The following ASPRV1 variants were observed in gnomAD, a reference collection of about 807,000 sequenced individuals.
The protein encoded by ASPRV1 is aspartic peptidase retroviral like 1.
In ASPRV1, 7 loss-of-function variants were observed where a neutral mutation model predicts 11.0. That is an observed-to-expected ratio of 0.64 (90% CI 0.36 to 1.20). The LOEUF (loss-of-function observed/expected upper bound fraction) is 1.20. Ranked by LOEUF, ASPRV1 falls within the 50% of genes most tolerant of loss-of-function variation. The probability of loss-of-function intolerance (pLI) is 0.02; values close to 1 mark genes in which losing one functional copy is unlikely to be tolerated. For missense variants in ASPRV1, 299 were observed against 320.0 expected, an observed-to-expected ratio of 0.93 and a Z score of 0.50; for synonymous variants, 136 against 138.4, an observed-to-expected ratio of 0.98 and a Z score of 0.12.
In ASPRV1 at chr2:69,960,858, C is replaced by T. The variant is rs139581474; in HGVS notation, c.579G>A (p.Ala193=). Residue 193 remains alanine (A), a synonymous_variant, in exon 1 of 1, where the codon GCG becomes GCA. Coordinates refer to ENST00000320256, the MANE Select transcript of ASPRV1 (RefSeq NM_152792.4). ...KLKAQFLVAN[A]SAEEAIIGTD... ...TGCCAATGATGGCTTCCTCGGCACTCGCATTGGCCACTAGGAACTGTGCCT... is the reference window on the plus strand; with the variant it reads ...TGCCAATGATGGCTTCCTCGGCACTTGCATTGGCCACTAGGAACTGTGCCT... 2.4e-5 allele frequency: 38 copies of T among 1,614,044 alleles called. No individual in the cohort carries two copies. In the Admixed American group the frequency reaches 2.7e-4, roughly 11 times the overall value.
the ASPRV1 span, among the ~76,000 whole-genome samples, chr2:70,028,048 G>T: frequency 9.9e-5 from 15 of 152,174 alleles, no homozygotes; most frequent in African/African-American, 3.4e-4. Context: ...AGGTCCCTAA[G>T]AAAGGTCCTC....
chr2:69,959,441 G>GA (rs1343862025), downstream of ASPRV1, among the ~76,000 whole-genome samples: 1 of 152,038 alleles, frequency 6.6e-6, no homozygotes, highest in African/African-American at 2.4e-5. Flanking sequence ...CTGCACTCCA[G>GA]AAAAAGAAAC....
At chr2:70,058,390 G>A in the ASPRV1 span, among the ~76,000 whole-genome samples, 46 of 147,898 alleles carry the variant, frequency 3.1e-4, no homozygotes, top group Non-Finnish European at 6.1e-4. Context: ...CTACAGGCAC[G>A]CGCCACTGCA....
chr2:70,025,198 ATGTG>A, the ASPRV1 span, among the ~76,000 whole-genome samples: 2 of 152,196 alleles, frequency 1.3e-5, no homozygotes, highest in East Asian at 1.9e-4. Context: ...ATGCATGTGA[ATGTG>A]TGTGTGTTGG....
the ASPRV1 span, chr2:70,046,042 G>A: frequency 6.6e-6 from 1 of 152,206 alleles, no homozygotes; most frequent in Non-Finnish European, 1.5e-5. Context: ...TGCAGAAGAT[G>A]AGAAACCAAT....
the ASPRV1 span, among the ~76,000 whole-genome samples, chr2:70,079,621 GA>G: frequency 2.0e-5 from 3 of 152,146 alleles, 1 homozygote; most frequent in South Asian, 6.2e-4. Context: ...AGTGAGGCAG[GA>G]ACAGCATCAA....
At chr2:70,064,525 T>C in the ASPRV1 span, among the ~76,000 whole-genome samples, 1 of 152,136 alleles carries the variant, frequency 6.6e-6, no homozygotes, top group Non-Finnish European at 1.5e-5. Flanking sequence ...AGATGATGAA[T>C]AGGAGATATC....
chr2:70,067,486 T>C, the ASPRV1 span, among the ~76,000 whole-genome samples: 2 of 152,232 alleles, frequency 1.3e-5, no homozygotes, highest in South Asian at 4.1e-4. Flanking sequence ...AATACCTTAA[T>C]GTCTTCATAG....
At chr2:70,042,665 C>G in the ASPRV1 span, among the ~76,000 whole-genome samples, 2 of 152,178 alleles carry the variant, frequency 1.3e-5, no homozygotes, top group Non-Finnish European at 2.9e-5. Flanking sequence ...TAGTGATCAG[C>G]AGATCCTGCT....
the ASPRV1 span, among the ~76,000 whole-genome samples, chr2:70,035,894 C>A: frequency 2.6e-5 from 4 of 151,608 alleles, no homozygotes; most frequent in African/African-American, 9.7e-5. Context: ...TTAACTAACT[C>A]AAGCCCTTCT....
the ASPRV1 span, among the ~76,000 whole-genome samples, chr2:70,067,303 T>C: frequency 1.3e-5 from 2 of 152,144 alleles, no homozygotes; most frequent in Admixed American, 1.3e-4. Context: ...TGTATATGAT[T>C]GGGCACTGGA....
At chr2:70,085,894 G>A in the ASPRV1 span, 3 of 152,246 alleles carry the variant, frequency 2.0e-5, no homozygotes, top group Non-Finnish European at 4.4e-5. Context: ...AACAGCCCAT[G>A]CTAGGAAGTC....
At chr2:69,974,900 C>T in the ASPRV1 span, among the ~76,000 whole-genome samples, 2 of 152,176 alleles carry the variant, frequency 1.3e-5, no homozygotes, top group African/African-American at 4.8e-5. Flanking sequence ...TCCTGGAGGT[C>T]GGGGTATGGG....
At chr2:70,077,951 G>A in the ASPRV1 span, among the ~76,000 whole-genome samples, 1 of 152,144 alleles carries the variant, frequency 6.6e-6, no homozygotes, top group South Asian at 2.1e-4. Flanking sequence ...GGTGGATCAT[G>A]AGGTCAGGAG....
chr2:70,011,769 A>C, the ASPRV1 span: 1 of 152,428 alleles, frequency 6.6e-6, no homozygotes, highest in East Asian at 1.9e-4. Flanking sequence ...GTGATGGTTA[A>C]AGACCAGGGA....
At chr2:70,003,165 CACAAGGTTCTTGAAGGA>C in the ASPRV1 span, 1 of 152,326 alleles carries the variant, frequency 6.6e-6, no homozygotes, top group East Asian at 1.9e-4. Flanking sequence ...GTCTGGTGCT[CACAAGGTTCTTGAAGGA>C]GTGGACGGAG....
chr2:69,999,622 C>T, the ASPRV1 span, among the ~76,000 whole-genome samples: 15 of 141,894 alleles, frequency 1.1e-4, no homozygotes, highest in Admixed American at 8.2e-4. Flanking sequence ...TGCCACTGCA[C>T]TCCAGCCTGA....
the ASPRV1 span, among the ~76,000 whole-genome samples, chr2:69,972,919 C>T: frequency 6.6e-6 from 1 of 152,060 alleles, no homozygotes; most frequent in African/African-American, 2.4e-5. Flanking sequence ...CTAATCCTTC[C>T]ACCTGAGGCC....
At chr2:70,084,373 T>A in the ASPRV1 span, among the ~76,000 whole-genome samples, 1 of 152,222 alleles carries the variant, frequency 6.6e-6, no homozygotes, top group South Asian at 2.1e-4. Flanking sequence ...TGTCTCCCTA[T>A]GAGACAGGAC....
Sources: allele counts gnomAD v4.1 joint callset (sites outside exome capture counted in the v4.1 genomes callset), GRCh38; gene constraint gnomAD v4.1.1; transcripts MANE v1.5; gene names NCBI Gene and HGNC (gene_info 2026-07-23, HGNC 2026-07-21).